Variants in USP6NL observed in about 807,000 individuals in gnomAD.
The protein encoded by USP6NL is USP6 N-terminal like, also known as USP6 N-terminal-like protein.
A neutral mutation model predicts 61.9 loss-of-function variants in USP6NL; 26 were observed. The observed-to-expected ratio is 0.42, with a 90% CI of 0.31 to 0.58. The LOEUF (loss-of-function observed/expected upper bound fraction) is 0.58. USP6NL is among the 20% of genes least tolerant of loss of function. The probability of loss-of-function intolerance (pLI) is 0.16; values close to 1 mark genes in which losing one functional copy is unlikely to be tolerated. For missense variants in USP6NL, 1,114 were observed against 1,034.3 expected (o/e 1.08, Z -1.06); for synonymous variants, 432 against 390.1 (o/e 1.11, Z -1.27).
At chr10:11,500,735 T>C (rs181231144) in intron 7 of USP6NL, among the ~76,000 whole-genome samples, 43 of 152,286 alleles carry the variant, frequency 2.8e-4, no homozygotes, top group African/African-American at 9.9e-4. Flanking sequence ...ACTCTCAAAG[T>C]GATACCACAA....
Position 11,495,237 on chromosome 10 carries a change from T to C in USP6NL, c.385-2009A>G, listed in dbSNP as rs1833869982. On this transcript the variant is annotated intron_variant, in intron 7 of 14. Transcript: ENST00000609104. The surrounding 1 kb of genome is among the most constrained non-coding windows in gnomAD (Gnocchi z 4.6). ...CTGTATGGCCTGGTTTTTCCTAGGT[T>C]ATGATTATAGAGCGAGGATTATTAT... Among the ~76,000 whole-genome samples, 1 of 152,210 alleles carries C rather than the reference T, an allele frequency of 6.6e-6. No individual in the cohort carries two copies. Among genetic ancestry groups the C allele is most frequent in the Non-Finnish European group, 1.5e-5 (1 of 68,036 alleles).
chr10:11,548,075 G>A lies in USP6NL; in HGVS notation c.5-20508C>T, dbSNP rs939569469. Among the ~76,000 whole-genome samples the A allele has an allele frequency of 3.3e-5, 5 of 152,128 alleles. No homozygotes were observed. Among genetic ancestry groups the A allele is most frequent in the Non-Finnish European group, 5.9e-5 (4 of 68,006 alleles). On this transcript the variant is annotated intron_variant, in intron 2 of 14. Coordinates refer to ENST00000609104, the MANE Select transcript of USP6NL (RefSeq NM_014688.5). This position sits in a 1 kb window ranked among gnomAD's most constrained non-coding sequence, Gnocchi z 4.3. The stretch of plus-strand genomic sequence containing the variant: ...ATTTCTCCTTAAGGCTTCCAGAAAT[G>A]AAAATCTCACAAGTCAGCCCATTCC...
intron 2 of USP6NL, among the ~76,000 whole-genome samples, chr10:11,556,495 T>TA (rs929589286): frequency 5.3e-5 from 8 of 152,024 alleles, no homozygotes; most frequent in Admixed American, 1.3e-4. Context: ...AGATTAAATG[T>TA]AAAAAAACAG....
intron 14 of USP6NL, among the ~76,000 whole-genome samples, chr10:11,471,813 CCG>C: frequency 8.1e-6 from 1 of 122,980 alleles, no homozygotes; most frequent in East Asian, 2.3e-4. Context: ...ACATCACACA[CCG>C]AGGCCTGTTG....
intron 2 of USP6NL, among the ~76,000 whole-genome samples, chr10:11,552,382 T>A (rs1437752921): frequency 6.6e-6 from 1 of 152,248 alleles, no homozygotes; most frequent in Non-Finnish European, 1.5e-5. Context: ...TCCTACAATG[T>A]TAATCATAAT....
Position 11,496,668 on chromosome 10 carries a change from G to T in USP6NL, c.385-3440C>A, listed in dbSNP as rs1399514984. ...ATATTGACCTATTTACCATGTACTGGTAATACGGACTTCTGCTTGAATCAA... is the reference window on the plus strand; with the variant it reads ...ATATTGACCTATTTACCATGTACTGTTAATACGGACTTCTGCTTGAATCAA... On this transcript the variant is annotated intron_variant, in intron 7 of 14. Transcript: ENST00000609104. The surrounding 1 kb of genome is among the most constrained non-coding windows in gnomAD (Gnocchi z 5.4). Among the ~76,000 whole-genome samples the T allele has an allele frequency of 1.3e-5, 2 of 151,950 alleles. No homozygotes were observed. The highest frequency in any genetic ancestry group is 2.9e-5 in the Non-Finnish European group (2 of 67,994).
chr10:11,563,112 A>G (rs1014925618), intron 2 of USP6NL: 2 of 152,230 alleles, frequency 1.3e-5, no homozygotes, highest in Admixed American at 6.5e-5. Flanking sequence ...ACTCATCAAT[A>G]AAAAAGAGAC....
In USP6NL at chr10:11,587,628, C is replaced by A. The variant is rs1051720918; in HGVS notation, c.4+10003G>T. 2.6e-5 allele frequency among the ~76,000 whole-genome samples: 4 copies of A among 152,184 alleles called. No individual in the cohort carries two copies. The highest frequency in any genetic ancestry group is 2.0e-4 in the Admixed American group (3 of 15,282). On this transcript the variant is annotated intron_variant, in intron 2 of 14. Transcript: ENST00000609104. This position sits in a 1 kb window ranked among gnomAD's most constrained non-coding sequence, Gnocchi z 4.5. ...TAGTGAAGCAATCTCAATTTATGTA[C>A]AAATAGCTATAGCTGTTTTATTATT...
Position 11,570,016 on chromosome 10 carries a change from T to C in USP6NL, c.4+27615A>G, listed in dbSNP as rs79936362. On this transcript the variant is annotated intron_variant, in intron 2 of 14. Coordinates refer to ENST00000609104, the MANE Select transcript of USP6NL (RefSeq NM_014688.5). ...CTCTCTTATCTTCATGACTCCTCCT[T>C]TGGGATGCTCACACAAACTCTCTTT... Among the ~76,000 whole-genome samples the C allele has an allele frequency of 3.4e-3, 522 of 152,294 alleles. 2 individuals carry two copies. The highest frequency in any genetic ancestry group is 0.012 in the African/African-American group (508 of 41,566).
At chr10:11,521,071 G>A (rs941128479) in intron 4 of USP6NL, among the ~76,000 whole-genome samples, 5 of 152,000 alleles carry the variant, frequency 3.3e-5, no homozygotes, top group Non-Finnish European at 5.9e-5. Context: ...ATTACTAATC[G>A]GAGTTTATGT....
At chr10:11,608,413 T>G (rs1233072583) in intron 1 of USP6NL, among the ~76,000 whole-genome samples, 1 of 152,190 alleles carries the variant, frequency 6.6e-6, no homozygotes. Context: ...TAACCAACAG[T>G]GACTGCTCAT....
chr10:11,517,023 T>C (rs1232104931), intron 5 of USP6NL, among the ~76,000 whole-genome samples: 1 of 152,194 alleles, frequency 6.6e-6, no homozygotes, highest in Non-Finnish European at 1.5e-5. Flanking sequence ...GGGAGGGGAA[T>C]GTTGGAGAGA....
In USP6NL at chr10:11,548,853, G is replaced by T. The variant is rs1836378445; in HGVS notation, c.5-21286C>A. On this transcript the variant is annotated intron_variant, in intron 2 of 14. Transcript: ENST00000609104. The surrounding 1 kb of genome is among the most constrained non-coding windows in gnomAD (Gnocchi z 4.3). ...CTTATCTCCAACATTTCTTTAGGTT[G>T]CCTGTTAAGTAATAACAAAAAAAGG... 6.6e-6 allele frequency among the ~76,000 whole-genome samples: 1 copy of T among 152,094 alleles called. No homozygotes were observed. The highest frequency in any genetic ancestry group is 6.5e-5 in the Admixed American group (1 of 15,286).
Position 11,598,676 on chromosome 10 carries a change from A to C in USP6NL, c.-83-959T>G, listed in dbSNP as rs1291167973. Among the ~76,000 whole-genome samples, 4 of 152,232 alleles carry C rather than the reference A, an allele frequency of 2.6e-5. No homozygotes were observed. Among genetic ancestry groups the C allele is most frequent in the Non-Finnish European group, 5.9e-5 (4 of 68,028 alleles). ...AAATAAGCTACTTCTTCCAATCACA[A>C]TAGGTGATGGTTATTTTCTAAATCA... is the stretch of plus-strand genomic sequence containing the variant. On this transcript the variant is annotated intron_variant, in intron 1 of 14. Coordinates refer to ENST00000609104, the MANE Select transcript of USP6NL (RefSeq NM_014688.5). This position sits in a 1 kb window ranked among gnomAD's most constrained non-coding sequence, Gnocchi z 4.7.
At chr10:11,509,402 G>A (rs546629033) in intron 6 of USP6NL, among the ~76,000 whole-genome samples, 193 bp downstream of exon 6, 30 of 152,198 alleles carry the variant, frequency 2.0e-4, no homozygotes, top group Non-Finnish European at 2.8e-4. Context: ...CTTAAATGTC[G>A]AAACCAATCC....
chr10:11,578,020 G>A (rs996327053), intron 2 of USP6NL, among the ~76,000 whole-genome samples: 6 of 151,910 alleles, frequency 3.9e-5, no homozygotes, highest in African/African-American at 9.7e-5. Flanking sequence ...CTGGAGTGCC[G>A]TGGCACAATC....
intron 2 of USP6NL, among the ~76,000 whole-genome samples, chr10:11,531,055 T>C (rs1470578145): frequency 6.6e-6 from 1 of 152,244 alleles, no homozygotes; most frequent in African/African-American, 2.4e-5. Context: ...TGTTGGTTGG[T>C]ACTTATGTCA....
intron 2 of USP6NL, among the ~76,000 whole-genome samples, chr10:11,593,427 T>C (rs1242203861): frequency 6.6e-6 from 1 of 152,234 alleles, no homozygotes; most frequent in Non-Finnish European, 1.5e-5. Flanking sequence ...ATTTATATTA[T>C]GGATCTGAGA....
intron 2 of USP6NL, among the ~76,000 whole-genome samples, chr10:11,573,993 T>TA (rs1837451263): frequency 6.6e-6 from 1 of 152,020 alleles, no homozygotes; most frequent in Non-Finnish European, 1.5e-5. Context: ...AAAATGTGGG[T>TA]AATCTTCTGT....
Sources: allele counts gnomAD v4.1 joint callset (sites outside exome capture counted in the v4.1 genomes callset), GRCh38; gene constraint gnomAD v4.1.1; non-coding constraint Gnocchi (gnomAD v3.1); transcripts MANE v1.5; gene names NCBI Gene and HGNC (gene_info 2026-07-23, HGNC 2026-07-21).